The following TTC17 variants were observed in gnomAD, a reference collection of about 807,000 sequenced individuals.
The protein encoded by TTC17 is tetratricopeptide repeat domain 17.
TTC17 carries 58 observed loss-of-function variants against 143.8 expected under a neutral mutation model. The observed-to-expected ratio is 0.40, with a 90% CI of 0.33 to 0.50. The LOEUF is 0.50. Ranked by LOEUF, TTC17 falls within the 20% of genes least tolerant of loss-of-function variation. TTC17 has a pLI of 0.49. For synonymous variants in TTC17, 501 were observed against 497.8 expected (o/e 1.01, Z -0.09); for missense variants, 1,273 against 1,392.5 (o/e 0.91, Z 1.37).
intron 1 of TTC17, among the ~76,000 whole-genome samples, chr11:43,367,448 G>A (rs1004474066): frequency 3.6e-4 from 55 of 152,294 alleles, no homozygotes; most frequent in African/African-American, 1.1e-3. Context: ...AAACAGAGGC[G>A]TGGTAGATGA....
chr11:43,472,006 C>T (rs1413974439), intron 21 of TTC17, among the ~76,000 whole-genome samples: 1 of 152,032 alleles, frequency 6.6e-6, no homozygotes, highest in African/African-American at 2.4e-5. Context: ...CAAATATGAA[C>T]CAAATTGTGT....
At chr11:43,397,209 T>C in intron 6 of TTC17, 138 bp from the exon 7 acceptor site, 1 of 962,110 alleles carries the variant, frequency 1.0e-6, no homozygotes, top group Non-Finnish European at 1.5e-6. Context: ...GAGCCATCAA[T>C]AATTTAAAAA....
intron 16 of TTC17, among the ~76,000 whole-genome samples, chr11:43,438,077 G>C (rs1449097616): frequency 1.3e-5 from 2 of 152,204 alleles, no homozygotes; most frequent in African/African-American, 4.8e-5. Context: ...AAGCATATCT[G>C]CAGCTTTCCA....
intron 16 of TTC17, among the ~76,000 whole-genome samples, chr11:43,422,782 C>T (rs555381939): frequency 6.6e-6 from 1 of 152,050 alleles, no homozygotes. Context: ...TGTGTGAAAT[C>T]GGTTTTGAAA....
At chr11:43,429,841 G>A (rs1947114420) in intron 16 of TTC17, among the ~76,000 whole-genome samples, 2 of 152,152 alleles carry the variant, frequency 1.3e-5, no homozygotes, top group South Asian at 4.1e-4. Context: ...GAATATATCG[G>A]AATGCTTCCT....
At chr11:43,384,090 A>T (rs1470905567) in intron 2 of TTC17, among the ~76,000 whole-genome samples, 1 of 151,778 alleles carries the variant, frequency 6.6e-6, no homozygotes, top group African/African-American at 2.4e-5. Flanking sequence ...GGTTACAGTG[A>T]GCTATGATAG....
intron 5 of TTC17, among the ~76,000 whole-genome samples, chr11:43,394,300 C>A (rs543685003): frequency 1.3e-5 from 2 of 152,238 alleles, no homozygotes; most frequent in East Asian, 3.9e-4. Flanking sequence ...GGATTTTACT[C>A]CAAGTGTGCT....
At chr11:43,380,698 T>C (rs2134485167) in intron 2 of TTC17, among the ~76,000 whole-genome samples, 1 of 152,356 alleles carries the variant, frequency 6.6e-6, no homozygotes, top group South Asian at 2.1e-4. Context: ...TAAAAAAATC[T>C]GTGAATTAAG....
chr11:43,415,951 C>G (rs1473734657), intron 16 of TTC17, among the ~76,000 whole-genome samples: 4 of 152,138 alleles, frequency 2.6e-5, no homozygotes, highest in African/African-American at 4.8e-5. Context: ...CTTACAGATT[C>G]ATGTTTGAGC....
At position 43,443,437 on chromosome 11, in the gene TTC17, G is replaced by A. The variant is rs1418300247; in HGVS notation, c.2364G>A (p.Leu788=). 1.2e-6 allele frequency: 2 copies of A among 1,614,122 alleles called. No homozygotes were observed. The highest frequency in any genetic ancestry group is 1.7e-5 in the Admixed American group (1 of 60,010). Residue 788 remains leucine, a synonymous_variant, in exon 17 of 24, where the codon TTG becomes TTA. Coordinates refer to ENST00000039989, the MANE Select transcript of TTC17 (RefSeq NM_018259.6). The part of the protein sequence containing the change: ...LVDEFQQAWP[L]EGFGGALEMK... ...ATGAATTTCAACAGGCATGGCCTTT[G>A]GAAGGCTTTGGGGGTGCACTAGAGA...
intron 1 of TTC17, among the ~76,000 whole-genome samples, chr11:43,373,680 A>G (rs1856658085): frequency 6.6e-6 from 1 of 152,184 alleles, no homozygotes; most frequent in Admixed American, 6.5e-5. Context: ...GTGAGTACGA[A>G]TTTATATGGG....
Position 43,407,171 on chromosome 11 carries a change from C to T in TTC17, c.1795C>T (p.Pro599Ser). ...LLSRINNYTI[P>S]EEEIGSFLFH... is the part of the protein sequence containing the mutation. ...TTCCCGTATTAATAACTATACTATC[C>T]CAGAAGAAGAAATTGGGTCTTTCTT... The change falls in exon 14 of 24, where the codon CCA (proline) becomes TCA (serine). Residue 599 changes from proline (P) to serine (S), a missense_variant. Physicochemically the swap from Pro to Ser is moderately conservative, Grantham distance 74. Around this residue, in one of 3 missense-constraint regions of TTC17, gnomAD observed 878 missense variants for 899.8 expected, o/e 0.98. Transcript: ENST00000039989. 6.3e-7 allele frequency: 1 copy of T among 1,598,912 alleles called. No homozygotes were observed. Among genetic ancestry groups the T allele is most frequent in the South Asian group, 1.1e-5 (1 of 88,666 alleles).
At chr11:43,477,851 GTC>G (rs967224144) in intron 21 of TTC17, among the ~76,000 whole-genome samples, 10 of 152,098 alleles carry the variant, frequency 6.6e-5, no homozygotes, top group African/African-American at 2.4e-4. Flanking sequence ...ATGAGGGAAA[GTC>G]TCTCTAGGAA....
chr11:43,450,381 T>G, intron 20 of TTC17, 140 bp downstream of exon 20: 1 of 988,784 alleles, frequency 1.0e-6, no homozygotes, highest in Non-Finnish European at 1.4e-6. Context: ...TAGGTGGGTT[T>G]GGGCCAAGCC....
At chr11:43,389,497 G>A (rs1857296852) in intron 2 of TTC17, among the ~76,000 whole-genome samples, 155 bp from the exon 3 acceptor site, 2 of 152,218 alleles carry the variant, frequency 1.3e-5, no homozygotes, top group Admixed American at 6.5e-5. Context: ...AGAAGCTTGT[G>A]TATGTTGACT....
chr11:43,444,732 C>CACAA (rs1397544272), intron 18 of TTC17, among the ~76,000 whole-genome samples: 2 of 151,238 alleles, frequency 1.3e-5, no homozygotes, highest in African/African-American at 2.4e-5. Context: ...TACACACACA[C>CACAA]ACACACACAC....
intron 16 of TTC17, among the ~76,000 whole-genome samples, chr11:43,430,224 T>G (rs992695535): frequency 6.6e-6 from 1 of 152,188 alleles, no homozygotes; most frequent in Non-Finnish European, 1.5e-5. Context: ...GTTCAGCAGT[T>G]TGAGACCAGC....
Position 43,493,754 on chromosome 11 carries a change from C to G in TTC17, c.3295-19C>G, listed in dbSNP as rs12276980. 510,090 of 1,613,066 alleles carry G rather than the reference C, an allele frequency of 0.32. 87,314 individuals carry two copies. Among genetic ancestry groups the G allele is most frequent in the African/African-American group, 0.64 (48,238 of 74,842 alleles). ...CTGCTGGTGCCATCCCCTCACATTT[C>G]TCTCCTTGGCCCTCACAGGAAGAAT... is the stretch of plus-strand genomic sequence containing the variant. On this transcript the variant is annotated intron_variant, in intron 23 of 23. Coordinates refer to ENST00000039989, the MANE Select transcript of TTC17 (RefSeq NM_018259.6).
At chr11:43,491,371 T>C (rs537011236) in intron 22 of TTC17, 15 of 152,336 alleles carry the variant, frequency 9.8e-5, no homozygotes, top group African/African-American at 3.6e-4. Flanking sequence ...TGTTAGGCAA[T>C]AGGGAAGGGC....
Sources: allele counts gnomAD v4.1 joint callset (sites outside exome capture counted in the v4.1 genomes callset), GRCh38; gene constraint gnomAD v4.1.1; regional missense constraint gnomAD v4.1.1; transcripts MANE v1.5; gene names NCBI Gene and HGNC (gene_info 2026-07-23, HGNC 2026-07-21).